Variants in TRIO observed in about 807,000 individuals in gnomAD.
The protein encoded by TRIO is trio Rho guanine nucleotide exchange factor.
In TRIO, 58 loss-of-function variants were observed where a neutral mutation model predicts 351.9. That is an observed-to-expected ratio of 0.16 (90% CI 0.13 to 0.21). The LOEUF is 0.21. TRIO is among the 10% of genes least tolerant of loss of function. The pLI is 1.00. For synonymous variants in TRIO, 1,758 were observed against 1,595.7 expected, an observed-to-expected ratio of 1.10 and a Z score of -2.42; for missense variants, 3,201 against 4,027.8, an observed-to-expected ratio of 0.79 and a Z score of 5.56.
intron 1 of TRIO, among the ~76,000 whole-genome samples, chr5:14,201,131 G>A (rs1205382494): frequency 2.0e-5 from 3 of 151,990 alleles, no homozygotes; most frequent in African/African-American, 4.8e-5. Flanking sequence ...GTTGTGCCAC[G>A]TTCCTGTAAT....
Position 14,160,820 on chromosome 5 carries a change from C to T in TRIO, c.157+16938C>T, listed in dbSNP as rs114277699. ...AATTATTCTCAGATCTCCTTCCCGA[C>T]TCGTCCCTTTCTCCCACTGAAGCTC... is the stretch of plus-strand genomic sequence containing the variant. On this transcript the variant is annotated intron_variant, in intron 1 of 56. Coordinates refer to ENST00000344204, the MANE Select transcript of TRIO (RefSeq NM_007118.4). Among the ~76,000 whole-genome samples the T allele has an allele frequency of 5.5e-3, 836 of 152,340 alleles. 7 individuals carry two copies. Among genetic ancestry groups the T allele is most frequent in the African/African-American group, 0.019 (786 of 41,568 alleles).
chr5:14,234,908 G>GA (rs1367421524), intron 1 of TRIO, among the ~76,000 whole-genome samples: 1 of 152,084 alleles, frequency 6.6e-6, no homozygotes, highest in African/African-American at 2.4e-5. Context: ...GGAATGTTAA[G>GA]AAAAAATTGT....
intron 34 of TRIO, among the ~76,000 whole-genome samples, chr5:14,449,220 G>A (rs2126414205): frequency 6.6e-6 from 1 of 152,296 alleles, no homozygotes; most frequent in East Asian, 1.9e-4. Flanking sequence ...TCTCACCTCT[G>A]GAAGGAAATG....
intron 42 of TRIO, among the ~76,000 whole-genome samples, 191 bp downstream of exon 42, chr5:14,479,541 C>T (rs565787819): frequency 6.6e-6 from 1 of 152,188 alleles, no homozygotes; most frequent in East Asian, 1.9e-4. Context: ...TGTGGTCATA[C>T]CCCTGGCATT....
intron 2 of TRIO, among the ~76,000 whole-genome samples, chr5:14,273,304 A>T (rs1735195439): frequency 1.3e-5 from 2 of 152,254 alleles, no homozygotes; most frequent in Admixed American, 1.3e-4. Flanking sequence ...CTAAAAACCC[A>T]GTGATAAACC....
At chr5:14,494,769 T>C (rs747180401) in intron 49 of TRIO, among the ~76,000 whole-genome samples, 1 of 152,112 alleles carries the variant, frequency 6.6e-6, no homozygotes, top group Non-Finnish European at 1.5e-5. Context: ...CATGGTGGCA[T>C]GTGTCTGTGG....
intron 1 of TRIO, among the ~76,000 whole-genome samples, chr5:14,249,818 T>C (rs1169759752): frequency 6.6e-6 from 1 of 152,210 alleles, no homozygotes; most frequent in Non-Finnish European, 1.5e-5. Context: ...GCAGCTTCAT[T>C]TGATGGTGGG....
chr5:14,335,558 T>C (rs1741322814), intron 10 of TRIO, among the ~76,000 whole-genome samples: 1 of 152,154 alleles, frequency 6.6e-6, no homozygotes, highest in Non-Finnish European at 1.5e-5. Flanking sequence ...ACTTACAGCC[T>C]CAGATTATTA....
intron 1 of TRIO, among the ~76,000 whole-genome samples, chr5:14,224,325 A>G (rs568296304): frequency 6.6e-6 from 1 of 152,272 alleles, no homozygotes; most frequent in Admixed American, 6.5e-5. Flanking sequence ...AAATTCTAAA[A>G]TAGTTTACAA....
intron 1 of TRIO, among the ~76,000 whole-genome samples, chr5:14,256,557 T>C (rs1290838491): frequency 6.6e-6 from 1 of 152,182 alleles, no homozygotes; most frequent in Non-Finnish European, 1.5e-5. Flanking sequence ...GTAATAAATA[T>C]ACACACCTTC....
At chr5:14,287,561 C>G (rs1232887241) in intron 4 of TRIO, among the ~76,000 whole-genome samples, 2 of 152,184 alleles carry the variant, frequency 1.3e-5, no homozygotes, top group Non-Finnish European at 2.9e-5. Context: ...AAAAACTGTG[C>G]AGAGTCCTGA....
intron 16 of TRIO, among the ~76,000 whole-genome samples, chr5:14,367,534 G>C (rs1012529975): frequency 6.6e-6 from 1 of 152,184 alleles, no homozygotes; most frequent in African/African-American, 2.4e-5. Flanking sequence ...TGCCATGCCA[G>C]AACTGTCGCA....
chr5:14,343,639 C>T (rs897993432), intron 11 of TRIO, among the ~76,000 whole-genome samples: 5 of 152,162 alleles, frequency 3.3e-5, no homozygotes, highest in Admixed American at 3.3e-4. Context: ...GGATATATCA[C>T]AGTTTATTTA....
intron 10 of TRIO, among the ~76,000 whole-genome samples, chr5:14,333,760 G>T (rs1741127017): frequency 6.6e-6 from 1 of 152,164 alleles, no homozygotes; most frequent in Non-Finnish European, 1.5e-5. Flanking sequence ...CTTTTTGTCT[G>T]CTTGAGTCCT....
intron 21 of TRIO, among the ~76,000 whole-genome samples, chr5:14,385,729 T>C (rs949628504): frequency 1.3e-5 from 2 of 152,330 alleles, no homozygotes; most frequent in Non-Finnish European, 1.5e-5. Context: ...AAAATACCAA[T>C]GCAAGTAAAA....
intron 11 of TRIO, among the ~76,000 whole-genome samples, chr5:14,347,872 A>G (rs1742575594): frequency 6.6e-6 from 1 of 152,232 alleles, no homozygotes; most frequent in African/African-American, 2.4e-5. Context: ...ATCCCAACAG[A>G]TCTCAGCACC....
chr5:14,293,231 T>C, intron 6 of TRIO, 97 bp downstream of exon 6: 2 of 1,538,122 alleles, frequency 1.3e-6, no homozygotes, highest in South Asian at 2.5e-5. Context: ...CAAGGGGCCT[T>C]CGGAGTGGCT....
At chr5:14,470,170 G>T (rs1158489368) in intron 37 of TRIO, among the ~76,000 whole-genome samples, 1 of 152,188 alleles carries the variant, frequency 6.6e-6, no homozygotes. Context: ...TCAGCAGTTG[G>T]TGTGTTTTTT....
chr5:14,224,762 G>T (rs1792874617), intron 1 of TRIO, among the ~76,000 whole-genome samples: 1 of 152,168 alleles, frequency 6.6e-6, no homozygotes, highest in Non-Finnish European at 1.5e-5. Flanking sequence ...AGGCATGGAA[G>T]TTGAATTATA....
Sources: gnomAD v4.1 joint callset for allele counts (sites outside exome capture counted in the v4.1 genomes callset) on GRCh38, gnomAD v4.1.1 for gene constraint, MANE v1.5 for transcripts, NCBI Gene and HGNC (gene_info 2026-07-23, HGNC 2026-07-21) for gene names.